The following SLIT3 variants were observed in gnomAD, a reference collection of about 807,000 sequenced individuals.
SLIT3 encodes slit homolog 3 protein.
SLIT3 carries 68 observed loss-of-function variants against 184.0 expected under a neutral mutation model. The ratio of observed to expected loss-of-function variants is 0.37; its 90% CI spans 0.30 to 0.45. The LOEUF (loss-of-function observed/expected upper bound fraction) is 0.45. Among genes scored for constraint, SLIT3 ranks in the 20% least tolerant of loss-of-function variants. The pLI is 1.00. For synonymous variants in SLIT3, 831 were observed against 828.6 expected, an observed-to-expected ratio of 1.00 and a Z score of -0.05; for missense variants, 1,707 against 2,026.0, an observed-to-expected ratio of 0.84 and a Z score of 3.02.
At chr5:169,089,540 C>G (rs1759488778) in intron 4 of SLIT3, among the ~76,000 whole-genome samples, 2 of 152,172 alleles carry the variant, frequency 1.3e-5, no homozygotes, top group Admixed American at 6.5e-5. Flanking sequence ...CTCCTTTTCC[C>G]AAACCCAAAT....
chr5:168,831,021 A>G (rs1302745823), intron 6 of SLIT3, among the ~76,000 whole-genome samples: 1 of 144,438 alleles, frequency 6.9e-6, no homozygotes, highest in African/African-American at 2.6e-5. Context: ...AGGAGCAGGG[A>G]CAGCTCAGCA....
chr5:168,752,934 A>G, intron 18 of SLIT3, 21 bp downstream of exon 18: 1 of 1,612,768 alleles, frequency 6.2e-7, no homozygotes, highest in Non-Finnish European at 8.5e-7. Flanking sequence ...GTCCGTGGGC[A>G]GTGGACCCAG....
intron 4 of SLIT3, among the ~76,000 whole-genome samples, chr5:168,977,253 G>T (rs62377257): frequency 0.039 from 5,957 of 152,230 alleles, 155 homozygotes; most frequent in Non-Finnish European, 0.057. Flanking sequence ...AGAGAAGAGA[G>T]CACCATCAGT....
At chr5:168,911,297 A>G (rs1157049915) in intron 4 of SLIT3, among the ~76,000 whole-genome samples, 1 of 152,198 alleles carries the variant, frequency 6.6e-6, no homozygotes, top group Non-Finnish European at 1.5e-5. Context: ...GCCGGTAGCT[A>G]TCCTATTAGC....
chr5:169,253,026 G>A (rs1765830188), intron 1 of SLIT3, among the ~76,000 whole-genome samples: 1 of 151,936 alleles, frequency 6.6e-6, no homozygotes, highest in South Asian at 2.1e-4. Context: ...GAACTAGCTT[G>A]TGATGGAGAA....
intron 4 of SLIT3, among the ~76,000 whole-genome samples, chr5:168,887,020 AATTTATTATTGCTT>A (rs1760245984): frequency 8.7e-6 from 1 of 115,564 alleles, no homozygotes; most frequent in Non-Finnish European, 2.0e-5. Flanking sequence ...TTTCTTCGCA[AATTTATTATTGCTT>A]CATCTACCCT....
chr5:168,766,364 T>C (rs909941016), intron 14 of SLIT3, among the ~76,000 whole-genome samples: 4 of 152,130 alleles, frequency 2.6e-5, no homozygotes, highest in African/African-American at 9.7e-5. Context: ...GACAGTGATG[T>C]GAATAAGCAA....
chr5:169,135,662 A>G (rs1292732127), intron 4 of SLIT3, among the ~76,000 whole-genome samples: 4 of 152,210 alleles, frequency 2.6e-5, no homozygotes, highest in African/African-American at 9.7e-5. Flanking sequence ...TATAAATTAT[A>G]CATATCTCTT....
chr5:169,254,528 T>C (rs143990236), intron 1 of SLIT3, among the ~76,000 whole-genome samples: 58 of 152,272 alleles, frequency 3.8e-4, no homozygotes, highest in African/African-American at 1.3e-3. Context: ...ATGGTGTCTA[T>C]GCCAATTTCC....
chr5:169,050,471 G>A lies in SLIT3; in HGVS notation c.413+143008C>T, dbSNP rs373611959. On this transcript the variant is annotated intron_variant, in intron 4 of 35. Transcript: ENST00000519560. The stretch of plus-strand genomic sequence containing the variant: ...AAGTTGGCCTCTGTTTCTTTGCCAC[G>A]ATTGGGTCTGTGCCCAGATAATTGG... Among the ~76,000 whole-genome samples, 285 of 152,236 alleles carry A rather than the reference G, an allele frequency of 1.9e-3. 3 individuals carry two copies. The highest frequency in any genetic ancestry group is 6.3e-3 in the African/African-American group (263 of 41,536).
chr5:169,053,315 G>A (rs762495991), intron 4 of SLIT3, among the ~76,000 whole-genome samples: 1 of 152,204 alleles, frequency 6.6e-6, no homozygotes, highest in Non-Finnish European at 1.5e-5. Flanking sequence ...TTTAAGACAT[G>A]AATTGAGTTC....
intron 4 of SLIT3, among the ~76,000 whole-genome samples, chr5:169,165,724 C>G (rs1762617031): frequency 1.3e-5 from 2 of 151,500 alleles, no homozygotes; most frequent in South Asian, 2.1e-4. Flanking sequence ...CCTTCCACCC[C>G]CAAAGACAAT....
At chr5:169,213,976 T>C (rs1764353406) in intron 3 of SLIT3, among the ~76,000 whole-genome samples, 1 of 152,052 alleles carries the variant, frequency 6.6e-6, no homozygotes, top group Admixed American at 6.6e-5. Context: ...AAGTAATAGG[T>C]CAAGTTCAAA....
At chr5:168,770,619 A>T (rs1755513863) in intron 14 of SLIT3, among the ~76,000 whole-genome samples, 1 of 151,854 alleles carries the variant, frequency 6.6e-6, no homozygotes, top group African/African-American at 2.4e-5. Context: ...AGCTCCAAAC[A>T]TCTCTACTTT....
At chr5:168,955,739 TGAAA>T in intron 4 of SLIT3, among the ~76,000 whole-genome samples, 1 of 152,168 alleles carries the variant, frequency 6.6e-6, no homozygotes, top group East Asian at 1.9e-4. Flanking sequence ...AGCTGGGAAT[TGAAA>T]GACTGTGTTG....
At chr5:168,813,912 G>A (rs1020563765) in intron 8 of SLIT3, among the ~76,000 whole-genome samples, 2 of 152,188 alleles carry the variant, frequency 1.3e-5, no homozygotes, top group African/African-American at 4.8e-5. Flanking sequence ...CTGCCTGGAT[G>A]GGGACTGCTG....
intron 4 of SLIT3, among the ~76,000 whole-genome samples, chr5:169,053,983 C>T (rs952410451): frequency 2.0e-5 from 3 of 151,812 alleles, no homozygotes; most frequent in Admixed American, 1.3e-4. Context: ...CCCAGCTACT[C>T]GGGAAGCTGA....
At chr5:168,996,899 G>T (rs1239433670) in intron 4 of SLIT3, among the ~76,000 whole-genome samples, 1 of 152,290 alleles carries the variant, frequency 6.6e-6, no homozygotes, top group African/African-American at 2.4e-5. Context: ...GAGGAGTGAT[G>T]TGTGGGAGAA....
intron 4 of SLIT3, among the ~76,000 whole-genome samples, chr5:169,056,358 C>A (rs1255990077): frequency 6.6e-6 from 1 of 152,088 alleles, no homozygotes; most frequent in East Asian, 1.9e-4. Flanking sequence ...ATTATTATGC[C>A]AGTTTTTGTT....
Sources: gnomAD v4.1 joint callset for allele counts (sites outside exome capture counted in the v4.1 genomes callset) on GRCh38, gnomAD v4.1.1 for gene constraint, MANE v1.5 for transcripts, NCBI Gene and HGNC (gene_info 2026-07-23, HGNC 2026-07-21) for gene names.